ZDHHC21: variants seen among roughly 807,000 people sequenced by gnomAD.
ZDHHC21 encodes the protein zDHHC palmitoyltransferase 21, also known as palmitoyltransferase ZDHHC21.
In ZDHHC21, 15 loss-of-function variants were observed where a neutral mutation model predicts 34.6. The observed-to-expected ratio is 0.43, with a 90% CI of 0.29 to 0.67. The LOEUF is 0.67. Ranked by LOEUF, ZDHHC21 falls within the 30% of genes least tolerant of loss-of-function variation. The pLI is 0.14. For missense variants in ZDHHC21, 344 were observed against 327.7 expected, an observed-to-expected ratio of 1.05 and a Z score of -0.38; for synonymous variants, 142 against 101.8, an observed-to-expected ratio of 1.40 and a Z score of -2.38.
At chr9:14,655,277 T>G (rs1022488560) in intron 7 of ZDHHC21, among the ~76,000 whole-genome samples, 1 of 151,394 alleles carries the variant, frequency 6.6e-6, no homozygotes, top group Non-Finnish European at 1.5e-5. Flanking sequence ...CCTTCAAAAA[T>G]GAAGGAGAAA....
intron 7 of ZDHHC21, among the ~76,000 whole-genome samples, chr9:14,641,949 T>C (rs1013074956): frequency 1.3e-5 from 2 of 152,216 alleles, no homozygotes; most frequent in Non-Finnish European, 1.5e-5. Context: ...TTTTTAGGAA[T>C]GCACATATTG....
chr9:14,654,381 T>C (rs1441687865), intron 7 of ZDHHC21, among the ~76,000 whole-genome samples: 1 of 121,890 alleles, frequency 8.2e-6, no homozygotes, highest in Non-Finnish European at 1.7e-5. Flanking sequence ...AAAATGAGGC[T>C]TCTCTTATAT....
intron 8 of ZDHHC21, among the ~76,000 whole-genome samples, chr9:14,630,870 A>C (rs1248867419): frequency 6.6e-6 from 1 of 152,216 alleles, no homozygotes; most frequent in Non-Finnish European, 1.5e-5. Flanking sequence ...AATATTCAGC[A>C]AGCCATGCTG....
intron 5 of ZDHHC21, among the ~76,000 whole-genome samples, chr9:14,664,941 C>T (rs1834132466): frequency 6.6e-6 from 1 of 150,894 alleles, no homozygotes; most frequent in Admixed American, 6.6e-5. Context: ...TGCAGAGCGT[C>T]TCTCCTCCTC....
rs1304551351 is a variant in ZDHHC21, at chr9:14,611,455, G to A, written c.*7511C>T. The A allele has an allele frequency of 6.6e-6, 1 of 151,812 alleles. No individual in the cohort carries two copies. Among genetic ancestry groups the A allele is most frequent in the Non-Finnish European group, 1.5e-5 (1 of 67,900 alleles). 9.4% of individuals were successfully genotyped at this position (151,812 alleles called of 1,614,324 possible). On this transcript the variant is annotated 3_prime_UTR_variant, in exon 10 of 10. Transcript: ENST00000380916. ...AAGATTTTCTTCAAATTCTCTTAGG[G>A]GAAAGACAAGGTAAAAATAATAGAC... is the stretch of plus-strand genomic sequence containing the variant.
chr9:14,591,104 T>G, the ZDHHC21 span, among the ~76,000 whole-genome samples: 1 of 152,100 alleles, frequency 6.6e-6, no homozygotes, highest in South Asian at 2.1e-4. Flanking sequence ...AAAAGAGGTA[T>G]ACCTCATAAA....
Position 14,670,401 on chromosome 9 carries a change from A to G in ZDHHC21, c.253+2429T>C, listed in dbSNP as rs144890642. The stretch of plus-strand genomic sequence containing the variant: ...CTAAGAATAATTTTTACAATTTTAA[A>G]TTATTGAAAATAACAATTTGTGACA... On this transcript the variant is annotated intron_variant, in intron 5 of 9. Transcript: ENST00000380916. Among the ~76,000 whole-genome samples, 631 of 152,252 alleles carry G rather than the reference A, an allele frequency of 4.1e-3. 7 individuals are homozygous for G. The highest frequency in any genetic ancestry group is 0.014 in the African/African-American group (573 of 41,552).
rs1298175198 is a variant in ZDHHC21, at chr9:14,616,949, G to A, written c.*2017C>T. On this transcript the variant is annotated 3_prime_UTR_variant, in exon 10 of 10. Coordinates refer to ENST00000380916, the MANE Select transcript of ZDHHC21 (RefSeq NM_178566.6). Reference sequence around the variant, plus strand: ...GCACAAATCATCAGAGTGGGAAAGAGACCCTGCCCAGTACCCACTGCTACT... The same window carrying A: ...GCACAAATCATCAGAGTGGGAAAGAAACCCTGCCCAGTACCCACTGCTACT... The A allele has an allele frequency of 6.6e-6, 1 of 151,852 alleles. No individual in the cohort carries two copies. Among genetic ancestry groups the A allele is most frequent in the Non-Finnish European group, 1.5e-5 (1 of 67,854 alleles). The allele number at this position is 151,852 out of a possible 1,614,324, so 9.4% of individuals were successfully genotyped here.
chr9:14,681,730 G>GGTGT (rs34935934), intron 2 of ZDHHC21, among the ~76,000 whole-genome samples: 1,520 of 148,310 alleles, frequency 0.01, 16 homozygotes, highest in African/African-American at 0.026. Context: ...TAAGGGGAAT[G>GGTGT]GTGTGTGTGT....
intron 7 of ZDHHC21, among the ~76,000 whole-genome samples, chr9:14,652,963 G>C (rs1251503843): frequency 2.0e-5 from 3 of 151,982 alleles, no homozygotes; most frequent in Admixed American, 6.6e-5. Context: ...CTACGTGAAA[G>C]GGTAGAAAGA....
chr9:14,641,871 T>C (rs772327848), intron 7 of ZDHHC21, among the ~76,000 whole-genome samples: 16 of 152,228 alleles, frequency 1.1e-4, no homozygotes, highest in Admixed American at 2.0e-4. Flanking sequence ...TCCTTTTAAG[T>C]GTCACAGACA....
In ZDHHC21 at chr9:14,612,880, A is replaced by ACG. The variant is rs1823557350; in HGVS notation, c.*6084_*6085dup. Reference sequence around the variant, plus strand: ...CACACACACACACACACACACACACACGCTGAACTCGATTTGTAATGAGAA... The same window carrying ACG: ...CACACACACACACACACACACACACACGCGCTGAACTCGATTTGTAATGAGAA... On this transcript the variant is annotated 3_prime_UTR_variant, in exon 10 of 10. Coordinates refer to ENST00000380916, the MANE Select transcript of ZDHHC21 (RefSeq NM_178566.6). 3 of 80,150 alleles carry ACG rather than the reference A, an allele frequency of 3.7e-5. 1 individual carries two copies. In the South Asian group the frequency reaches 1.3e-3, roughly 36 times the overall value. 5.0% of individuals were successfully genotyped at this position (80,150 alleles called of 1,614,324 possible).
At chr9:14,595,317 C>G in the ZDHHC21 span, among the ~76,000 whole-genome samples, 1 of 152,250 alleles carries the variant, frequency 6.6e-6, no homozygotes, top group Middle Eastern at 3.4e-3. Flanking sequence ...AGACAGAGTT[C>G]TGTTCAACAA....
chr9:14,640,097 A>G (rs1829059694), intron 7 of ZDHHC21, 85 bp from the exon 8 acceptor site: 4 of 668,230 alleles, frequency 6.0e-6, no homozygotes, highest in Non-Finnish European at 1.0e-5. Context: ...ATTGAGCCAT[A>G]ACACATCTTC....
chr9:14,673,568 C>T (rs188247892), intron 4 of ZDHHC21, among the ~76,000 whole-genome samples: 3 of 149,508 alleles, frequency 2.0e-5, no homozygotes, highest in Non-Finnish European at 4.4e-5. Context: ...AGGGAATAGT[C>T]TGAGTGCTCA....
intron 1 of ZDHHC21, among the ~76,000 whole-genome samples, chr9:14,692,975 A>G (rs1839382596): frequency 6.6e-6 from 1 of 151,946 alleles, no homozygotes; most frequent in Non-Finnish European, 1.5e-5. Context: ...AGGGAGGAGC[A>G]CTTAGCAAGG....
intron 6 of ZDHHC21, among the ~76,000 whole-genome samples, chr9:14,660,777 G>A (rs1403838363): frequency 2.0e-5 from 3 of 152,032 alleles, no homozygotes; most frequent in African/African-American, 4.8e-5. Context: ...TCACCAATAA[G>A]TGAGTCTTTC....
intron 2 of ZDHHC21, among the ~76,000 whole-genome samples, chr9:14,685,985 C>G (rs961934693): frequency 1.3e-5 from 2 of 150,804 alleles, no homozygotes; most frequent in African/African-American, 4.9e-5. Context: ...TGTTCTCACT[C>G]ATAGGTGGGA....
chr9:14,595,059 T>C, the ZDHHC21 span, among the ~76,000 whole-genome samples: 4 of 152,168 alleles, frequency 2.6e-5, no homozygotes, highest in African/African-American at 9.7e-5. Flanking sequence ...AACTCATACA[T>C]TTCTAGTAGT....
Sources: allele counts gnomAD v4.1 joint callset (sites outside exome capture counted in the v4.1 genomes callset), GRCh38; gene constraint gnomAD v4.1.1; transcripts MANE v1.5; gene names NCBI Gene and HGNC (gene_info 2026-07-23, HGNC 2026-07-21).